The following AK1 variants were observed in gnomAD, a reference collection of about 807,000 sequenced individuals.
AK1 encodes adenylate kinase isoenzyme 1.
A neutral mutation model predicts 23.9 loss-of-function variants in AK1; 13 were observed. That is an observed-to-expected ratio of 0.54 (90% CI 0.35 to 0.86). The LOEUF is 0.86. AK1 is among the 40% of genes least tolerant of loss of function. The pLI is 0.01. For synonymous variants in AK1, 97 were observed against 102.8 expected, an observed-to-expected ratio of 0.94 and a Z score of 0.34; for missense variants, 214 against 255.1, an observed-to-expected ratio of 0.84 and a Z score of 1.10.
At chr9:127,873,594 G>A (rs1829470562) in intron 2 of AK1, 2 of 1,423,938 alleles carry the variant, frequency 1.4e-6, no homozygotes, top group South Asian at 1.5e-5. Flanking sequence ...GGAGGGCTGT[G>A]GTGGGCATGT....
At chr9:127,874,052 G>A (rs1829481897) in intron 2 of AK1, 1 of 985,342 alleles carries the variant, frequency 1.0e-6, no homozygotes, top group East Asian at 1.1e-4. Flanking sequence ...AGCAGCAGCA[G>A]CAGCAGCAGC....
chr9:127,873,769 C>T, intron 2 of AK1: 1 of 985,450 alleles, frequency 1.0e-6, no homozygotes, highest in South Asian at 4.7e-5. Context: ...AGAACCCAAG[C>T]TCCCCACTGG....
rs137853204 is a variant in AK1, at chr9:127,872,779, C to T, written c.118G>A (p.Gly40Arg). The T allele has an allele frequency of 2.5e-6, 4 of 1,613,960 alleles. No individual in the cohort carries two copies. Among genetic ancestry groups the T allele is most frequent in the South Asian group, 1.1e-5 (1 of 91,082 alleles). ...CTGACCTCGGACCGCAGGAGGTCCC[C>T]GGTGGAGAGGTGGGTGTAGCCATAC... The part of the protein sequence containing the change: ...QKYGYTHLST[G>R]DLLRSEVSSG... Residue 40 changes from glycine to arginine, a missense_variant, in exon 4 of 7, where the codon GGG (glycine) becomes AGG (arginine). Gly to Arg is a moderately radical substitution (Grantham distance 125). Transcript: ENST00000644144.
chr9:127,874,299 T>G (rs1036280943), intron 2 of AK1: 2 of 985,318 alleles, frequency 2.0e-6, no homozygotes, highest in African/African-American at 1.7e-5. Flanking sequence ...CTTGTCCTCA[T>G]TAGACCTGGT....
intron 1 of AK1, among the ~76,000 whole-genome samples, chr9:127,875,803 C>A (rs1829525026): frequency 6.6e-6 from 1 of 152,126 alleles, no homozygotes; most frequent in Admixed American, 6.5e-5. Context: ...CCTGCACACC[C>A]ACTGCCCAAC....
At position 127,871,354 on chromosome 9, in the gene AK1, C is replaced by T. The variant is rs897194567; in HGVS notation, c.324+469G>A. On this transcript the variant is annotated intron_variant, in intron 5 of 6. Transcript: ENST00000644144. The surrounding 1 kb of genome is among the most constrained non-coding windows in gnomAD (Gnocchi z 4.4). The stretch of plus-strand genomic sequence containing the variant: ...GCTGGAACCTCCCTTGTTGTCCTGC[C>T]CACATATTCTGTTCTCCCCACACTG... Among the ~76,000 whole-genome samples, 9 of 151,508 alleles carry T rather than the reference C, an allele frequency of 5.9e-5. No individual in the cohort carries two copies. The highest frequency in any genetic ancestry group is 5.9e-4 in the Admixed American group (9 of 15,264).
chr9:127,874,163 T>G (rs1210096642), intron 2 of AK1: 2 of 985,252 alleles, frequency 2.0e-6, no homozygotes. Flanking sequence ...CGTTCTGGAC[T>G]CTCTGCCTGC....
At chr9:127,870,731 A>G (rs2094332) in intron 5 of AK1, among the ~76,000 whole-genome samples, 96,616 of 151,900 alleles carry the variant, frequency 0.64, 30,988 homozygotes, top group Middle Eastern at 0.71. Flanking sequence ...GCAGCCACTC[A>G]GAGGTCAGAA....
chr9:127,870,654 A>G (rs986556044), intron 5 of AK1, among the ~76,000 whole-genome samples: 3 of 152,124 alleles, frequency 2.0e-5, no homozygotes, highest in Admixed American at 2.0e-4. Flanking sequence ...GCTAACCCCC[A>G]TTTCAGATAG....
intron 4 of AK1, among the ~76,000 whole-genome samples, chr9:127,872,342 TG>T (rs201516251): frequency 4.0e-5 from 6 of 150,484 alleles, no homozygotes; most frequent in Non-Finnish European, 7.4e-5. Flanking sequence ...AGTAGAAAAT[TG>T]GGGGGGGAGG....
chr9:127,874,170 C>T lies in AK1; in HGVS notation c.7+441G>A, dbSNP rs552987997. 7.1e-6 allele frequency: 7 copies of T among 985,432 alleles called. No homozygotes were observed. In the South Asian group the frequency reaches 2.8e-4, roughly 40 times the overall value. 61.0% of individuals were successfully genotyped at this position (985,432 alleles called of 1,614,324 possible). The stretch of plus-strand genomic sequence containing the variant: ...GGCGGGCCCGTTCTGGACTCTCTGC[C>T]TGCCCGTGTCTCCCTCTAAGTCCCA... On this transcript the variant is annotated intron_variant, in intron 2 of 6. Coordinates refer to ENST00000644144, the MANE Select transcript of AK1 (RefSeq NM_000476.3).
At chr9:127,874,820 C>G (rs1484279295) in intron 1 of AK1, 171 bp from the exon 2 acceptor site, 13 of 651,652 alleles carry the variant, frequency 2.0e-5, no homozygotes, top group Non-Finnish European at 3.5e-5. Flanking sequence ...GAGAAAGCCA[C>G]CTTGGGAAAG....
chr9:127,870,423 C>T (rs1026347104), intron 5 of AK1, among the ~76,000 whole-genome samples: 7 of 152,054 alleles, frequency 4.6e-5, no homozygotes, highest in Non-Finnish European at 5.9e-5. Flanking sequence ...CTGGTTTTGA[C>T]CCTGACCTCA....
chr9:127,868,427 C>T lies in AK1; in HGVS notation c.410G>A (p.Gly137Glu), dbSNP rs1829300811. The change falls in exon 6 of 7, where the codon GGG becomes GAG. Residue 137 changes from glycine to glutamate, a missense_variant. Transcript: ENST00000644144. The surrounding 1 kb of genome is among the most constrained non-coding windows in gnomAD (Gnocchi z 4.1). ...GGTCTCCTCATTGTCGTCCACACGC[C>T]CGCTGGTCTCTCCACGTTTCAAGAG... ...QRLLKRGETS[G>E]RVDDNEETIK... The T allele has an allele frequency of 6.2e-7, 1 of 1,611,788 alleles. No individual in the cohort carries two copies. The highest frequency in any genetic ancestry group is 1.7e-5 in the Admixed American group (1 of 59,742).
chr9:127,871,932 A>G lies in AK1; in HGVS notation c.215T>C (p.Val72Ala), dbSNP rs1346547537. The change falls in exon 5 of 7, where the codon GTG becomes GCG. Residue 72 changes from valine (V) to alanine (A), a missense_variant. Coordinates refer to ENST00000644144, the MANE Select transcript of AK1 (RefSeq NM_000476.3). The surrounding 1 kb of genome is among the most constrained non-coding windows in gnomAD (Gnocchi z 4.4). ...CATGGCATCCCGGAGCATGTCCAAC[A>G]CTGTCTCCTGGGGCACAGCAAAGGA... ...EKGQLVPLET[V>A]LDMLRDAMVA... 1.9e-6 allele frequency: 3 copies of G among 1,613,544 alleles called. No individual in the cohort carries two copies. Among genetic ancestry groups the G allele is most frequent in the Admixed American group, 1.7e-5 (1 of 59,996 alleles).
intron 2 of AK1, chr9:127,873,718 A>G: frequency 1.0e-6 from 1 of 985,400 alleles, no homozygotes; most frequent in South Asian, 4.7e-5. Context: ...ACTGAGCTCG[A>G]GAGAGGGAAG....
Position 127,867,970 on chromosome 9 carries a change from G to C in AK1, c.*38C>G. ...GAGGACCTCGAATCAGGACGGGGTG[G>C]GGCGGGGCTCTGAGCTGGGGAAGCG... On this transcript the variant is annotated 3_prime_UTR_variant, in exon 7 of 7. Coordinates refer to ENST00000644144, the MANE Select transcript of AK1 (RefSeq NM_000476.3). 1.9e-6 allele frequency: 3 copies of C among 1,605,360 alleles called. No homozygotes were observed. Among genetic ancestry groups the C allele is most frequent in the Non-Finnish European group, 2.6e-6 (3 of 1,172,078 alleles).
At chr9:127,875,266 C>T (rs1214864879) in intron 1 of AK1, among the ~76,000 whole-genome samples, 2 of 151,948 alleles carry the variant, frequency 1.3e-5, no homozygotes, top group Admixed American at 6.6e-5. Flanking sequence ...ACCAGCCCCA[C>T]GCATGTCCCC....
chr9:127,873,538 G>A lies in AK1; in HGVS notation c.8-477C>T, dbSNP rs1386712201. On this transcript the variant is annotated intron_variant, in intron 2 of 6. Transcript: ENST00000644144. Reference sequence around the variant, plus strand: ...TCACCCGCCTCCCCCGGCAGTGGGGGCTTAGCAACCACAACATATGTTGCC... The same window carrying A: ...TCACCCGCCTCCCCCGGCAGTGGGGACTTAGCAACCACAACATATGTTGCC... The A allele has an allele frequency of 7.6e-6, 11 of 1,439,622 alleles. No individual in the cohort carries two copies. In the East Asian group the frequency reaches 1.8e-4, roughly 23 times the overall value. 89.2% of individuals were successfully genotyped at this position (1,439,622 alleles called of 1,614,324 possible).
Sources: gnomAD v4.1 joint callset for allele counts (sites outside exome capture counted in the v4.1 genomes callset) on GRCh38, gnomAD v4.1.1 for gene constraint, Gnocchi (gnomAD v3.1) non-coding constraint, MANE v1.5 for transcripts, NCBI Gene and HGNC (gene_info 2026-07-23, HGNC 2026-07-21) for gene names.